Variants in MAML3 observed in about 807,000 individuals in gnomAD.
MAML3 encodes the protein mastermind-like protein 3.
MAML3 carries 27 observed loss-of-function variants against 101.9 expected under a neutral mutation model. That is an observed-to-expected ratio of 0.27 (90% CI 0.20 to 0.37). MAML3 has a LOEUF of 0.37. Among genes scored for constraint, MAML3 ranks in the 10% least tolerant of loss-of-function variants. The pLI, the probability that MAML3 is intolerant of heterozygous loss-of-function variation, is 1.00. For synonymous variants in MAML3, 501 were observed against 555.9 expected, an observed-to-expected ratio of 0.90 and a Z score of 1.39; for missense variants, 1,316 against 1,444.9, an observed-to-expected ratio of 0.91 and a Z score of 1.45.
At chr4:139,809,140 C>G (rs981333838) in intron 2 of MAML3, among the ~76,000 whole-genome samples, 1 of 152,208 alleles carries the variant, frequency 6.6e-6, no homozygotes, top group East Asian at 1.9e-4. Context: ...TATCAGGGAG[C>G]TTGGGATTAA....
At chr4:139,918,738 C>T (rs1404484312) in intron 1 of MAML3, among the ~76,000 whole-genome samples, 6 of 152,094 alleles carry the variant, frequency 3.9e-5, no homozygotes, top group Admixed American at 3.9e-4. Flanking sequence ...GTGGTCAGTA[C>T]GTATCTTTGG....
chr4:139,957,740 C>A (rs993497513), intron 1 of MAML3, among the ~76,000 whole-genome samples: 3 of 152,212 alleles, frequency 2.0e-5, no homozygotes, highest in Non-Finnish European at 4.4e-5. Flanking sequence ...TTATTATGAT[C>A]ATTTACTTCC....
intron 1 of MAML3, among the ~76,000 whole-genome samples, chr4:139,923,487 C>T (rs1733166374): frequency 6.6e-6 from 1 of 152,192 alleles, no homozygotes; most frequent in Non-Finnish European, 1.5e-5. Context: ...CTCATTATCT[C>T]AGGCCTGGAA....
chr4:139,990,817 T>A (rs1184681836), intron 1 of MAML3, among the ~76,000 whole-genome samples: 1 of 151,934 alleles, frequency 6.6e-6, no homozygotes, highest in Non-Finnish European at 1.5e-5. Context: ...TCAAAGAGAA[T>A]AAAATACCTA....
At chr4:139,930,000 A>G (rs1397064728) in intron 1 of MAML3, among the ~76,000 whole-genome samples, 2 of 152,144 alleles carry the variant, frequency 1.3e-5, no homozygotes, top group Non-Finnish European at 2.9e-5. Context: ...CTGCTTTCCC[A>G]TCTCCCCGTT....
intron 2 of MAML3, among the ~76,000 whole-genome samples, chr4:139,787,047 G>C (rs1352934878): frequency 6.6e-6 from 1 of 152,194 alleles, no homozygotes; most frequent in Non-Finnish European, 1.5e-5. Context: ...GTATGTAATA[G>C]AAAAATTGAA....
intron 1 of MAML3, among the ~76,000 whole-genome samples, chr4:140,012,716 C>T (rs1442498867): frequency 6.6e-6 from 1 of 152,186 alleles, no homozygotes; most frequent in African/African-American, 2.4e-5. Flanking sequence ...TGGCCCTAAC[C>T]ACCTCTTGAG....
In MAML3 at chr4:139,793,042, G is replaced by A. The variant is rs368493532; in HGVS notation, c.2080-62375C>T. Among the ~76,000 whole-genome samples, 108 of 152,142 alleles carry A rather than the reference G, an allele frequency of 7.1e-4. 1 individual carries two copies. The highest frequency in any genetic ancestry group is 2.3e-3 in the African/African-American group (97 of 41,526). ...ATTACAGGCGTGAGACACCGCGCCC[G>A]GCAGAACTGGTTTTCTTTAAGAATG... On this transcript the variant is annotated intron_variant, in intron 2 of 4. Coordinates refer to ENST00000509479, the MANE Select transcript of MAML3 (RefSeq NM_018717.5).
chr4:139,725,883 A>G, intron 3 of MAML3, 48 bp from the exon 4 acceptor site: 1 of 1,476,184 alleles, frequency 6.8e-7, no homozygotes, highest in South Asian at 1.1e-5. Context: ...ATAGGGAGCA[A>G]GCACACAATT....
In MAML3 at chr4:139,974,584, T is replaced by C. The variant is rs542424807; in HGVS notation, c.469-83617A>G. Among the ~76,000 whole-genome samples the C allele has an allele frequency of 6.6e-5, 10 of 152,288 alleles. No individual in the cohort carries two copies. In the East Asian group the frequency reaches 1.9e-3, roughly 29 times the overall value. On this transcript the variant is annotated intron_variant, in intron 1 of 4. Coordinates refer to ENST00000509479, the MANE Select transcript of MAML3 (RefSeq NM_018717.5). ...AATTTGGCAATATCCTAAACATTGCTGGGCTTCTATTTCCTCACTGGTAAA... is the reference window on the plus strand; with the variant it reads ...AATTTGGCAATATCCTAAACATTGCCGGGCTTCTATTTCCTCACTGGTAAA...
chr4:140,091,018 C>T (rs1728036155), intron 1 of MAML3, among the ~76,000 whole-genome samples: 1 of 152,064 alleles, frequency 6.6e-6, no homozygotes, highest in African/African-American at 2.4e-5. Context: ...CCACTGCACT[C>T]CAACCTGGGC....
chr4:139,798,802 A>T (rs537198541), intron 2 of MAML3, among the ~76,000 whole-genome samples: 13 of 152,238 alleles, frequency 8.5e-5, no homozygotes, highest in Admixed American at 4.6e-4. Flanking sequence ...CAAAATAGCA[A>T]ATACTTTTGG....
At chr4:140,105,538 T>C (rs1211941240) in intron 1 of MAML3, among the ~76,000 whole-genome samples, 1 of 152,198 alleles carries the variant, frequency 6.6e-6, no homozygotes, top group African/African-American at 2.4e-5. Context: ...GGTCAGCCCA[T>C]CCTCTGTCTG....
At chr4:140,023,929 C>T (rs1057468503) in intron 1 of MAML3, among the ~76,000 whole-genome samples, 2 of 152,206 alleles carry the variant, frequency 1.3e-5, no homozygotes, top group African/African-American at 4.8e-5. Context: ...TCCTTTAAAA[C>T]AGTGTGGAAA....
intron 2 of MAML3, among the ~76,000 whole-genome samples, chr4:139,842,762 CTTTTTTTTTTTTTTTTTTTT>C (rs71584337): frequency 1.6e-4 from 5 of 30,922 alleles, no homozygotes; most frequent in African/African-American, 4.0e-4. Context: ...ATCCGCTTGC[CTTTTTTTTTTTTTTTTTTTT>C]TTTTTTTTTT....
chr4:139,880,206 CT>C, intron 2 of MAML3, among the ~76,000 whole-genome samples: 1 of 152,086 alleles, frequency 6.6e-6, no homozygotes, highest in Middle Eastern at 3.4e-3. Flanking sequence ...CAAAAAACCT[CT>C]TTCTTCTAGA....
At chr4:139,853,459 G>A (rs1467464640) in intron 2 of MAML3, among the ~76,000 whole-genome samples, 2 of 152,086 alleles carry the variant, frequency 1.3e-5, no homozygotes, top group African/African-American at 4.8e-5. Context: ...GAAGCAGGAA[G>A]GAGGCTTTGA....
At chr4:139,917,476 G>A (rs1361080752) in intron 1 of MAML3, among the ~76,000 whole-genome samples, 3 of 152,162 alleles carry the variant, frequency 2.0e-5, no homozygotes, top group African/African-American at 7.2e-5. Context: ...AAGGAGGCGA[G>A]GAAGCTGAGG....
chr4:139,873,805 C>G (rs934470508), intron 2 of MAML3, among the ~76,000 whole-genome samples: 1 of 152,182 alleles, frequency 6.6e-6, no homozygotes, highest in Non-Finnish European at 1.5e-5. Context: ...TTCACGGTAG[C>G]CTTATGGAAG....
Sources: gnomAD v4.1 joint callset for allele counts (sites outside exome capture counted in the v4.1 genomes callset) on GRCh38, gnomAD v4.1.1 for gene constraint, MANE v1.5 for transcripts, NCBI Gene and HGNC (gene_info 2026-07-23, HGNC 2026-07-21) for gene names.